KCNH7: variants seen among roughly 807,000 people sequenced by gnomAD.
The protein encoded by KCNH7 is potassium voltage-gated channel subfamily H member 7.
In KCNH7, 49 loss-of-function variants were observed where a neutral mutation model predicts 120.8. The ratio of observed to expected loss-of-function variants is 0.41; its 90% CI spans 0.32 to 0.51. The LOEUF (loss-of-function observed/expected upper bound fraction) is 0.51, where lower values mean the gene tolerates loss of function less well. Ranked by LOEUF, KCNH7 falls within the 20% of genes least tolerant of loss-of-function variation. The pLI is 0.38. For missense variants in KCNH7, 1,097 were observed against 1,446.6 expected (o/e 0.76, Z 3.92); for synonymous variants, 547 against 516.1 (o/e 1.06, Z -0.81).
At chr2:162,644,319 T>G (rs985320380) in intron 2 of KCNH7, among the ~76,000 whole-genome samples, 1 of 152,330 alleles carries the variant, frequency 6.6e-6, no homozygotes, top group African/African-American at 2.4e-5. Context: ...TTCTTTTTTT[T>G]TTAATAAAGT....
At chr2:162,792,417 T>G (rs1377564888) in intron 2 of KCNH7, among the ~76,000 whole-genome samples, 1 of 151,958 alleles carries the variant, frequency 6.6e-6, no homozygotes, top group Non-Finnish European at 1.5e-5. Flanking sequence ...TGGCCCTGGC[T>G]TTTTTTGGTT....
At chr2:162,466,620 T>C (rs1028596807) in intron 6 of KCNH7, among the ~76,000 whole-genome samples, 16 of 152,342 alleles carry the variant, frequency 1.1e-4, no homozygotes, top group African/African-American at 3.8e-4. Context: ...GTGTTTTCCA[T>C]AGATGCAGAA....
intron 2 of KCNH7, among the ~76,000 whole-genome samples, chr2:162,695,040 G>A (rs938104625): frequency 6.6e-6 from 1 of 152,092 alleles, no homozygotes; most frequent in African/African-American, 2.4e-5. Context: ...TGCTGGGATT[G>A]CAGGCGTGAG....
intron 2 of KCNH7, among the ~76,000 whole-genome samples, chr2:162,591,881 C>T (rs73026677): frequency 0.013 from 1,910 of 152,088 alleles, 50 homozygotes; most frequent in African/African-American, 0.044. Context: ...TTCTTCCTCT[C>T]GGAGATTACA....
intron 2 of KCNH7, among the ~76,000 whole-genome samples, chr2:162,704,925 G>A (rs1449452971): frequency 1.3e-5 from 2 of 152,106 alleles, no homozygotes; most frequent in Non-Finnish European, 2.9e-5. Context: ...GAAAATCTGT[G>A]CTTTGATAAA....
At chr2:162,693,122 G>A (rs1354383326) in intron 2 of KCNH7, among the ~76,000 whole-genome samples, 2 of 152,088 alleles carry the variant, frequency 1.3e-5, no homozygotes, top group African/African-American at 4.8e-5. Flanking sequence ...TGGGAGAAAG[G>A]GATTCTCTAA....
intron 2 of KCNH7, among the ~76,000 whole-genome samples, chr2:162,664,085 C>G (rs185074254): frequency 2.0e-4 from 31 of 152,180 alleles, no homozygotes; most frequent in African/African-American, 6.5e-4. Flanking sequence ...CATCTTTCCC[C>G]CTGATCTTCA....
chr2:162,560,872 G>T (rs1026563917), intron 2 of KCNH7, among the ~76,000 whole-genome samples: 1 of 152,104 alleles, frequency 6.6e-6, no homozygotes, highest in Non-Finnish European at 1.5e-5. Flanking sequence ...TTCTTTAAAA[G>T]GTGACTCTTT....
chr2:162,746,793 A>G (rs1378877963), intron 2 of KCNH7, among the ~76,000 whole-genome samples: 1 of 152,150 alleles, frequency 6.6e-6, no homozygotes, highest in Non-Finnish European at 1.5e-5. Flanking sequence ...ATCACAGGAA[A>G]TTTAAATGAC....
intron 2 of KCNH7, among the ~76,000 whole-genome samples, chr2:162,776,052 T>C (rs1683223582): frequency 6.6e-6 from 1 of 152,210 alleles, no homozygotes; most frequent in Non-Finnish European, 1.5e-5. Flanking sequence ...ATATTGGCTG[T>C]CAATTATTAG....
At chr2:162,732,030 C>G (rs1256201956) in intron 2 of KCNH7, among the ~76,000 whole-genome samples, 2 of 152,154 alleles carry the variant, frequency 1.3e-5, no homozygotes, top group African/African-American at 4.8e-5. Flanking sequence ...TAAGCAACTA[C>G]AGACACTAGG....
chr2:162,701,014 A>T (rs1686476464), intron 2 of KCNH7, among the ~76,000 whole-genome samples: 1 of 152,170 alleles, frequency 6.6e-6, no homozygotes, highest in South Asian at 2.1e-4. Flanking sequence ...AACGAAACAG[A>T]CAGTTTTTCA....
At chr2:162,655,483 G>C (rs2105267233) in intron 2 of KCNH7, among the ~76,000 whole-genome samples, 1 of 152,162 alleles carries the variant, frequency 6.6e-6, no homozygotes, top group Non-Finnish European at 1.5e-5. Flanking sequence ...ATAATATCTG[G>C]CTCATAGAAT....
At chr2:162,408,080 C>G (rs1687281939) in intron 9 of KCNH7, among the ~76,000 whole-genome samples, 1 of 152,024 alleles carries the variant, frequency 6.6e-6, no homozygotes, top group Admixed American at 6.6e-5. Context: ...TGTAGAAGGA[C>G]AAAGACTCCA....
At chr2:162,525,274 G>A (rs1435458464) in intron 3 of KCNH7, among the ~76,000 whole-genome samples, 3 of 151,992 alleles carry the variant, frequency 2.0e-5, no homozygotes, top group South Asian at 4.1e-4. Context: ...GAGGAAGTCA[G>A]TGCTGTAGCA....
At chr2:162,462,495 T>C (rs1046406265) in intron 6 of KCNH7, among the ~76,000 whole-genome samples, 3 of 151,426 alleles carry the variant, frequency 2.0e-5, no homozygotes, top group Non-Finnish European at 4.4e-5. Flanking sequence ...CACAAACACA[T>C]CTAGAATCAT....
intron 2 of KCNH7, among the ~76,000 whole-genome samples, chr2:162,792,575 G>A (rs777146178): frequency 6.6e-6 from 1 of 151,912 alleles, no homozygotes; most frequent in Non-Finnish European, 1.5e-5. Flanking sequence ...GCATAGAGGT[G>A]TTTATAATAT....
At chr2:162,696,616 G>A (rs937047582) in intron 2 of KCNH7, among the ~76,000 whole-genome samples, 1 of 151,738 alleles carries the variant, frequency 6.6e-6, no homozygotes, top group Non-Finnish European at 1.5e-5. Context: ...CTTGAACTGT[G>A]GCCTTTTCCA....
intron 2 of KCNH7, among the ~76,000 whole-genome samples, chr2:162,655,551 C>T (rs1684720777): frequency 6.6e-6 from 1 of 151,980 alleles, no homozygotes; most frequent in African/African-American, 2.4e-5. Context: ...CTTTGGGAGA[C>T]TGAGGTGGGC....
Sources: gnomAD v4.1 joint callset for allele counts (sites outside exome capture counted in the v4.1 genomes callset) on GRCh38, gnomAD v4.1.1 for gene constraint, MANE v1.5 for transcripts, NCBI Gene and HGNC (gene_info 2026-07-23, HGNC 2026-07-21) for gene names.